Variants in EPB41L3 observed in about 807,000 individuals in gnomAD.
EPB41L3 encodes erythrocyte membrane protein band 4.1 like 3.
A neutral mutation model predicts 127.1 loss-of-function variants in EPB41L3; 57 were observed. The observed-to-expected ratio is 0.45, with a 90% CI of 0.36 to 0.56. EPB41L3 has a LOEUF of 0.56. EPB41L3 is among the 20% of genes least tolerant of loss of function. The pLI is 0.00. For missense variants in EPB41L3, 1,273 were observed against 1,372.2 expected (o/e 0.93, Z 1.14); for synonymous variants, 572 against 549.5 (o/e 1.04, Z -0.57).
At chr18:5,454,985 T>C (rs969327617) in intron 3 of EPB41L3, among the ~76,000 whole-genome samples, 1 of 152,238 alleles carries the variant, frequency 6.6e-6, no homozygotes, top group African/African-American at 2.4e-5. Context: ...CTACAACTAA[T>C]CAGCTCTGTA....
At chr18:5,559,593 T>C (rs1441487011) in intron 3 of EPB41L3, among the ~76,000 whole-genome samples, 2 of 152,228 alleles carry the variant, frequency 1.3e-5, no homozygotes, top group Admixed American at 1.3e-4. Context: ...GAAACAGTCT[T>C]TCTAAACGAA....
At position 5,445,131 on chromosome 18, in the gene EPB41L3, A is replaced by T. The variant is rs745629036; in HGVS notation, c.486+9T>A. 2 of 1,610,028 alleles carry T rather than the reference A, an allele frequency of 1.2e-6. No individual in the cohort carries two copies. Among genetic ancestry groups the T allele is most frequent in the African/African-American group, 1.3e-5 (1 of 74,830 alleles). Reference sequence around the variant, plus strand: ...GCCATCTTATTTTGCATTGCTTTTGATCACTCACCTTCTGGTTTTCAGCAT... The same window carrying T: ...GCCATCTTATTTTGCATTGCTTTTGTTCACTCACCTTCTGGTTTTCAGCAT... On this transcript the variant is annotated intron_variant, in intron 4 of 22. Transcript: ENST00000341928.
At chr18:5,485,761 C>A (rs1197599106) in intron 2 of EPB41L3, among the ~76,000 whole-genome samples, 1 of 151,828 alleles carries the variant, frequency 6.6e-6, no homozygotes, top group Non-Finnish European at 1.5e-5. Context: ...ATATAAAATA[C>A]CTAGGAAGCA....
rs561284930 is a variant in EPB41L3 at position 5,602,028 on chromosome 18, G to A, written c.-306+10312C>T. ...CCATTTATTGCCTAAAATAAAGATC[G>A]GACAAATTAAACAAATTATGTTAAG... On this transcript the variant is annotated intron_variant, in intron 3 of 21. Transcript: ENST00000545076. 2.0e-5 allele frequency among the ~76,000 whole-genome samples: 3 copies of A among 152,172 alleles called. 1 individual carries two copies. The South Asian group carries it at 6.2e-4, about 32-fold the overall frequency.
At chr18:5,456,314 G>T (rs905033476) in intron 3 of EPB41L3, among the ~76,000 whole-genome samples, 1 of 152,090 alleles carries the variant, frequency 6.6e-6, no homozygotes, top group East Asian at 1.9e-4. Flanking sequence ...TATTAGTAGG[G>T]CAAGGCTGAG....
In EPB41L3 at chr18:5,588,236, C is replaced by T. The variant is rs534774316; in HGVS notation, c.-306+24104G>A. The stretch of plus-strand genomic sequence containing the variant: ...CCAGAATATTGATTCCAGCCTGGGA[C>T]TTGGGAATTCCAATTTTAGAACCAG... On this transcript the variant is annotated intron_variant, in intron 3 of 21. Coordinates refer to the EPB41L3 transcript ENST00000545076. Among the ~76,000 whole-genome samples, 48 of 152,162 alleles carry T rather than the reference C, an allele frequency of 3.2e-4. 2 individuals carry two copies. In the South Asian group the frequency reaches 9.1e-3, roughly 29 times the overall value.
At chr18:5,462,577 G>A (rs565021299) in intron 3 of EPB41L3, among the ~76,000 whole-genome samples, 4 of 152,172 alleles carry the variant, frequency 2.6e-5, no homozygotes, top group African/African-American at 4.8e-5. Context: ...GGTACTCCCA[G>A]CTCATAAGCT....
intron 9 of EPB41L3, among the ~76,000 whole-genome samples, chr18:5,425,824 A>T (rs977298772): frequency 6.6e-6 from 1 of 152,212 alleles, no homozygotes; most frequent in Non-Finnish European, 1.5e-5. Context: ...TTTAGGAAGC[A>T]GAAGCCACGA....
intron 1 of EPB41L3, among the ~76,000 whole-genome samples, chr18:5,505,888 C>A (rs1408958452): frequency 1.3e-5 from 2 of 149,232 alleles, no homozygotes; most frequent in Non-Finnish European, 3.0e-5. Context: ...CACCTCCACC[C>A]CTACCCTCCA....
intron 1 of EPB41L3, among the ~76,000 whole-genome samples, chr18:5,542,874 G>A (rs1267392039): frequency 6.6e-6 from 1 of 152,240 alleles, no homozygotes; most frequent in Non-Finnish European, 1.5e-5. Context: ...AGGGGAAGAA[G>A]TCCGGCGAGA....
Position 5,398,742 on chromosome 18 carries a change from T to C in EPB41L3, c.2350-599A>G, listed in dbSNP as rs1184247258. 7 of 399,260 alleles carry C rather than the reference T, an allele frequency of 1.8e-5. No individual in the cohort carries two copies. The South Asian group carries it at 6.4e-4, about 36-fold the overall frequency. 24.7% of individuals were successfully genotyped at this position (399,260 alleles called of 1,614,324 possible). ...GGAATATCTCCATTCGGACAGGCTC[T>C]TCCTTCGGGGACCAAAGAGGCCCAC... is the stretch of plus-strand genomic sequence containing the variant. On this transcript the variant is annotated intron_variant, in intron 16 of 22. Coordinates refer to ENST00000341928, the MANE Select transcript of EPB41L3 (RefSeq NM_012307.5).
At chr18:5,497,298 A>G (rs1325573598) in intron 1 of EPB41L3, among the ~76,000 whole-genome samples, 1 of 152,164 alleles carries the variant, frequency 6.6e-6, no homozygotes, top group East Asian at 1.9e-4. Flanking sequence ...ATGCTTTTAA[A>G]AGGTCATTCT....
At chr18:5,587,228 A>T (rs1387230456) in intron 3 of EPB41L3, among the ~76,000 whole-genome samples, 1 of 152,136 alleles carries the variant, frequency 6.6e-6, no homozygotes, top group Non-Finnish European at 1.5e-5. Flanking sequence ...GTTAGACAGC[A>T]GTCCCCTCTC....
chr18:5,519,349 T>C (rs374092285), intron 1 of EPB41L3, among the ~76,000 whole-genome samples: 3 of 152,230 alleles, frequency 2.0e-5, no homozygotes, highest in African/African-American at 7.2e-5. Flanking sequence ...CCTTCAGTGC[T>C]GTCCCTCTAC....
rs148568579 is a variant in EPB41L3 at position 5,397,297 on chromosome 18, C to T, written c.2602G>A (p.Gly868Arg). 3.0e-5 allele frequency: 48 copies of T among 1,614,050 alleles called. No individual in the cohort carries two copies. The African/African-American group carries it at 6.1e-4, about 21-fold the overall frequency. ...VEERRVVHAS[G>R]DASYSAGDSG... ...TCTCCCGCCGAGTAAGAAGCATCCC[C>T]ACTCGCGTGCACCACACGCCGCTCC... is the stretch of plus-strand genomic sequence containing the variant. Residue 868 changes from glycine to arginine, a missense_variant, in exon 18 of 23, where the codon GGG becomes AGG. This residue lies in a region of EPB41L3 where 765 missense variants were observed against 782.9 expected (regional missense o/e 0.98). Transcript: ENST00000341928. The surrounding 1 kb of genome is among the most constrained non-coding windows in gnomAD (Gnocchi z 4.1).
Position 5,543,587 on chromosome 18 carries a change from A to G in EPB41L3, c.-12+326T>C, listed in dbSNP as rs1411254140. On this transcript the variant is annotated intron_variant, in intron 1 of 22. Transcript: ENST00000341928. The surrounding 1 kb of genome is among the most constrained non-coding windows in gnomAD (Gnocchi z 5.2). Reference sequence around the variant, plus strand: ...CGGGGACCGAGTCGCCCCTTCGGCCAGGGATCCCAGGGAGGCCCCCAGGCC... The same window carrying G: ...CGGGGACCGAGTCGCCCCTTCGGCCGGGGATCCCAGGGAGGCCCCCAGGCC... Among the ~76,000 whole-genome samples, 6 of 147,046 alleles carry G rather than the reference A, an allele frequency of 4.1e-5. No homozygotes were observed. Among genetic ancestry groups the G allele is most frequent in the Non-Finnish European group, 7.6e-5 (5 of 65,998 alleles).
At chr18:5,466,694 A>C (rs542094294) in intron 3 of EPB41L3, among the ~76,000 whole-genome samples, 79 of 152,300 alleles carry the variant, frequency 5.2e-4, no homozygotes, top group African/African-American at 1.9e-3. Context: ...GAATATGGAG[A>C]CAAAGTTAAA....
chr18:5,540,717 A>G (rs542134232), intron 1 of EPB41L3, among the ~76,000 whole-genome samples: 243 of 152,316 alleles, frequency 1.6e-3, no homozygotes, highest in Non-Finnish European at 2.6e-3. Context: ...TGGTGAGTCT[A>G]TATTTCACGG....
At chr18:5,530,970 G>A (rs932291650) in intron 1 of EPB41L3, among the ~76,000 whole-genome samples, 2 of 152,314 alleles carry the variant, frequency 1.3e-5, no homozygotes, top group East Asian at 3.9e-4. Flanking sequence ...TTAGGCAGAC[G>A]GACGGAGGCA....
Sources: gnomAD v4.1 joint callset for allele counts (sites outside exome capture counted in the v4.1 genomes callset) on GRCh38, gnomAD v4.1.1 for gene constraint, gnomAD v4.1.1 regional missense constraint, Gnocchi (gnomAD v3.1) non-coding constraint, MANE v1.5 for transcripts, NCBI Gene and HGNC (gene_info 2026-07-23, HGNC 2026-07-21) for gene names.